The following PLAG1 variants were observed in gnomAD, a reference collection of about 807,000 sequenced individuals.
PLAG1 encodes the protein zinc finger protein PLAG1.
Under a neutral mutation model 35.5 loss-of-function variants are expected in PLAG1, and 7 were observed. The observed-to-expected ratio is 0.20, with a 90% CI of 0.11 to 0.37. The LOEUF (loss-of-function observed/expected upper bound fraction) is 0.37, where lower values mean the gene tolerates loss of function less well. PLAG1 is among the 10% of genes least tolerant of loss of function. The pLI is 1.00. For missense variants in PLAG1, 454 were observed against 602.8 expected (o/e 0.75, Z 2.58); for synonymous variants, 229 against 225.4 (o/e 1.02, Z -0.14).
At chr8:56,192,970 G>T (rs1411800015) in intron 1 of PLAG1, among the ~76,000 whole-genome samples, 1 of 152,022 alleles carries the variant, frequency 6.6e-6, no homozygotes, top group Non-Finnish European at 1.5e-5. Flanking sequence ...AGTAACTGTG[G>T]GTCAAAAAAG....
At chr8:56,191,251 T>G (rs936960431) in intron 1 of PLAG1, among the ~76,000 whole-genome samples, 3 of 151,996 alleles carry the variant, frequency 2.0e-5, no homozygotes, top group Non-Finnish European at 4.4e-5. Context: ...AGCAGAACAT[T>G]CTAGAGCACT....
At chr8:56,208,021 G>A (rs761792308) in intron 1 of PLAG1, among the ~76,000 whole-genome samples, 1 of 152,078 alleles carries the variant, frequency 6.6e-6, no homozygotes, top group Non-Finnish European at 1.5e-5. Context: ...CAGTCATAGT[G>A]TCCAAACAAC....
chr8:56,189,035 C>G (rs1415644445), intron 1 of PLAG1, among the ~76,000 whole-genome samples: 1 of 152,208 alleles, frequency 6.6e-6, no homozygotes, highest in Admixed American at 6.5e-5. Context: ...TCTATCAGAA[C>G]AGGATCCTGC....
At chr8:56,189,083 C>A (rs1453711966) in intron 1 of PLAG1, among the ~76,000 whole-genome samples, 1 of 152,130 alleles carries the variant, frequency 6.6e-6, no homozygotes, top group East Asian at 1.9e-4. Flanking sequence ...GTACCTAGAA[C>A]AGTGGATGCA....
At chr8:56,182,164 A>C (rs1357577817) in intron 1 of PLAG1, among the ~76,000 whole-genome samples, 1 of 152,244 alleles carries the variant, frequency 6.6e-6, no homozygotes, top group Non-Finnish European at 1.5e-5. Context: ...TTGGGGAGGT[A>C]GGACGGGAGA....
At chr8:56,206,039 G>C (rs1812691827) in intron 1 of PLAG1, among the ~76,000 whole-genome samples, 1 of 151,770 alleles carries the variant, frequency 6.6e-6, no homozygotes. Context: ...AGATATTTCT[G>C]TTTTATAAAA....
In PLAG1 at chr8:56,164,313, T is replaced by C. The variant is rs933022279; in HGVS notation, c.*1930A>G. The stretch of plus-strand genomic sequence containing the variant: ...AACTTTGATTCTATGAAGTGCGGTA[T>C]GTGTGCATGTGTGTGTGTGTGTGTA... On this transcript the variant is annotated 3_prime_UTR_variant, in exon 5 of 5. Coordinates refer to ENST00000316981, the MANE Select transcript of PLAG1 (RefSeq NM_002655.3). 3 of 216,836 alleles carry C rather than the reference T, an allele frequency of 1.4e-5. No individual in the cohort carries two copies. Among genetic ancestry groups the C allele is most frequent in the African/African-American group, 6.8e-5 (3 of 43,926 alleles). The allele number at this position is 216,836 out of a possible 1,614,324, so 13.4% of individuals were successfully genotyped here. A position where few individuals can be genotyped will look rare whatever the true frequency, so the allele number is the denominator to read the frequency against.
Position 56,189,457 on chromosome 8 carries a change from A to G in PLAG1, c.-321-9944T>C, listed in dbSNP as rs538767424. On this transcript the variant is annotated intron_variant, in intron 1 of 4. Coordinates refer to ENST00000316981, the MANE Select transcript of PLAG1 (RefSeq NM_002655.3). ...CTGCACAGAGCTCCGGGTAAGGGAT[A>G]TAAGAACAAACTTACAGATAAACAA... Among the ~76,000 whole-genome samples, 4 of 152,326 alleles carry G rather than the reference A, an allele frequency of 2.6e-5. No homozygotes were observed. In the East Asian group the frequency reaches 5.8e-4, roughly 22 times the overall value.
chr8:56,165,150 C>A lies in PLAG1; in HGVS notation c.*1093G>T, dbSNP rs550071782. 1 of 210,700 alleles carries A rather than the reference C, an allele frequency of 4.7e-6. No homozygotes were observed. Among genetic ancestry groups the A allele is most frequent in the Non-Finnish European group, 9.6e-6 (1 of 103,814 alleles). 13.1% of individuals were successfully genotyped at this position (210,700 alleles called of 1,614,324 possible). ...ATATAAGCGATATGCTTTTACTTTACTTCTAAAAAGTCCAGTTTTTAACCC... is the reference window on the plus strand; with the variant it reads ...ATATAAGCGATATGCTTTTACTTTAATTCTAAAAAGTCCAGTTTTTAACCC... On this transcript the variant is annotated 3_prime_UTR_variant, in exon 5 of 5. Coordinates refer to ENST00000316981, the MANE Select transcript of PLAG1 (RefSeq NM_002655.3).
chr8:56,200,141 T>C (rs1326736345), intron 1 of PLAG1, among the ~76,000 whole-genome samples: 1 of 152,120 alleles, frequency 6.6e-6, no homozygotes, highest in Non-Finnish European at 1.5e-5. Context: ...CAAGCATCCT[T>C]CCCTGGATTC....
intron 1 of PLAG1, among the ~76,000 whole-genome samples, chr8:56,191,445 GT>G (rs1490521768): frequency 6.6e-6 from 1 of 152,188 alleles, no homozygotes; most frequent in Non-Finnish European, 1.5e-5. Flanking sequence ...GGGGTGGGGT[GT>G]TCCAGACAAT....
At chr8:56,203,737 T>G (rs1812624234) in intron 1 of PLAG1, among the ~76,000 whole-genome samples, 1 of 152,056 alleles carries the variant, frequency 6.6e-6, no homozygotes, top group Non-Finnish European at 1.5e-5. Flanking sequence ...TTAACCTATT[T>G]TATTATACAT....
At position 56,167,077 on chromosome 8, in the gene PLAG1, C is replaced by A. The variant is rs1371492170; in HGVS notation, c.669G>T (p.Gly223=). ...TATGTCGAGTCAGGTGATCCTTTCGCCCAAATCTCTGTGCACAATACTGAC... is the reference window on the plus strand; with the variant it reads ...TATGTCGAGTCAGGTGATCCTTTCGACCAAATCTCTGTGCACAATACTGAC... ...FLCQYCAQRF[G]RKDHLTRHMK... The change falls in exon 5 of 5, where the codon GGG becomes GGT. Residue 223 remains glycine, a synonymous_variant. Coordinates refer to ENST00000316981, the MANE Select transcript of PLAG1 (RefSeq NM_002655.3). The surrounding 1 kb of genome is among the most constrained non-coding windows in gnomAD (Gnocchi z 5.9). 6.2e-7 allele frequency: 1 copy of A among 1,614,102 alleles called. No individual in the cohort carries two copies. The highest frequency in any genetic ancestry group is 1.7e-5 in the Admixed American group (1 of 60,000).
In PLAG1 at chr8:56,162,452, T is replaced by C. The variant is rs533193223; in HGVS notation, c.*3791A>G. 4.7e-4 allele frequency: 103 copies of C among 219,852 alleles called. No individual in the cohort carries two copies. Among genetic ancestry groups the C allele is most frequent in the Non-Finnish European group, 7.9e-4 (87 of 109,476 alleles). The allele number at this position is 219,852 out of a possible 1,614,324, so 13.6% of individuals were successfully genotyped here. A position where few individuals can be genotyped will look rare whatever the true frequency, so the allele number is the denominator to read the frequency against. ...AATTGATAAGAAAACACTGTAAAAATGTACCTGTTTAAAATACCATCTACC... is the reference window on the plus strand; with the variant it reads ...AATTGATAAGAAAACACTGTAAAAACGTACCTGTTTAAAATACCATCTACC... On this transcript the variant is annotated 3_prime_UTR_variant, in exon 5 of 5. Transcript: ENST00000316981.
At position 56,166,301 on chromosome 8, in the gene PLAG1, A is replaced by C; in HGVS notation, c.1445T>G (p.Phe482Cys). Reference sequence around the variant, plus strand: ...GGTACTTGTGCTTAAACTGCTGGTGAAAGCTGCTGACAGTGAGTGCAGAGA... The same window carrying C: ...GGTACTTGTGCTTAAACTGCTGGTGCAAGCTGCTGACAGTGAGTGCAGAGA... The part of the protein sequence containing the change: ...LGSLHSLSAA[F>C]TSSLSTSTTL... The change falls in exon 5 of 5, where the codon TTC (phenylalanine) becomes TGC (cysteine). Residue 482 changes from phenylalanine to cysteine, a missense_variant. Transcript: ENST00000316981. 6.2e-7 allele frequency: 1 copy of C among 1,612,114 alleles called. No individual in the cohort carries two copies. The highest frequency in any genetic ancestry group is 8.5e-7 in the Non-Finnish European group (1 of 1,179,200).
rs144940152 is a variant in PLAG1 at position 56,197,725 on chromosome 8, T to A, written c.-322+13396A>T. On this transcript the variant is annotated intron_variant, in intron 1 of 4. Transcript: ENST00000316981. ...GTATTCTGGGGGGTGTGCATCCTTTTCCCTCATGCATCTGTGTCTGTCTTT... is the reference window on the plus strand; with the variant it reads ...GTATTCTGGGGGGTGTGCATCCTTTACCCTCATGCATCTGTGTCTGTCTTT... Among the ~76,000 whole-genome samples, 418 of 152,328 alleles carry A rather than the reference T, an allele frequency of 2.7e-3. 2 individuals carry two copies. Among genetic ancestry groups the A allele is most frequent in the African/African-American group, 9.6e-3 (397 of 41,564 alleles).
At chr8:56,176,395 T>G (rs1159377286) in intron 2 of PLAG1, among the ~76,000 whole-genome samples, 1 of 145,810 alleles carries the variant, frequency 6.9e-6, no homozygotes, top group Admixed American at 6.9e-5. Flanking sequence ...AGCACTTCAT[T>G]TCAACTGCTA....
In PLAG1 at chr8:56,165,991, GAAAA is replaced by G. The variant is rs57439758; in HGVS notation, c.*248_*251del. The G allele has an allele frequency of 5.9e-5, 15 of 255,500 alleles. No homozygotes were observed. The highest frequency in any genetic ancestry group is 4.3e-4 in the Admixed American group (8 of 18,804). 15.8% of individuals were successfully genotyped at this position (255,500 alleles called of 1,614,324 possible). On this transcript the variant is annotated 3_prime_UTR_variant, in exon 5 of 5. Transcript: ENST00000316981. ...CTACTAATAATGGCTTTCCTATATG[GAAAA>G]AAAAAAGTCTTAAAATGTGACAATT...
chr8:56,199,625 G>A (rs1391914014), intron 1 of PLAG1, among the ~76,000 whole-genome samples: 1 of 152,222 alleles, frequency 6.6e-6, no homozygotes, highest in African/African-American at 2.4e-5. Context: ...CCTACGAGGG[G>A]CTGGAGTAAC....
Sources: allele counts gnomAD v4.1 joint callset (sites outside exome capture counted in the v4.1 genomes callset), GRCh38; gene constraint gnomAD v4.1.1; non-coding constraint Gnocchi (gnomAD v3.1); transcripts MANE v1.5; gene names NCBI Gene and HGNC (gene_info 2026-07-23, HGNC 2026-07-21).